ATP7A: variants seen among roughly 807,000 people sequenced by gnomAD.
The protein encoded by ATP7A is ATPase copper transporting alpha, also known as copper-transporting ATPase 1.
ATP7A carries 7 observed loss-of-function variants against 83.5 expected under a neutral mutation model. The observed-to-expected ratio is 0.08, with a 90% CI of 0.05 to 0.16. ATP7A has a LOEUF of 0.16. ATP7A is among the 10% of genes least tolerant of loss of function. ATP7A has a pLI of 1.00. For missense variants in ATP7A, 940 were observed against 1,120.8 expected (o/e 0.84, Z 2.30); for synonymous variants, 354 against 395.2 (o/e 0.90, Z 1.24).
At chrX:77,956,769 TTCTTTCTTTCTTTCTTTC>T in intron 1 of ATP7A, among the ~76,000 whole-genome samples, 1 of 103,006 alleles carries the variant, frequency 9.7e-6, no homozygotes, top group South Asian at 4.4e-4. Flanking sequence ...CTTTCTTTCT[TTCTTTCTTTCTTTCTTTC>T]TCTTTCTTTC....
At chrX:77,979,238 TAA>T (rs2077592485) in intron 2 of ATP7A, among the ~76,000 whole-genome samples, 1 of 111,826 alleles carries the variant, frequency 8.9e-6, no homozygotes, top group African/African-American at 3.2e-5. Context: ...TCAAATTGTT[TAA>T]GTTTCAGACA....
chrX:77,934,036 A>T (rs782289790), intron 1 of ATP7A, among the ~76,000 whole-genome samples: 7 of 111,932 alleles, frequency 6.3e-5, no homozygotes, highest in Non-Finnish European at 1.3e-4. Context: ...ACTATATACT[A>T]TATTTTATGT....
rs76190127 is a variant in ATP7A at position 77,985,302 on chromosome X, C to T, written c.121-2940C>T. Among the ~76,000 whole-genome samples, 554 of 106,083 alleles carry T rather than the reference C, an allele frequency of 5.2e-3. 2 individuals are homozygous for T. The highest frequency in any genetic ancestry group is 7.8e-3 in the Non-Finnish European group (403 of 51,880). The allele number at this position is 106,083 out of a possible 115,157, so 92.1% of individuals were successfully genotyped here. On this transcript the variant is annotated intron_variant, in intron 2 of 22. Transcript: ENST00000341514. Reference sequence around the variant, plus strand: ...CATCCCAAAGTGCTAGGATTACAGGCGTGTGCCACCTGGCCTGAGGAAGTG... The same window carrying T: ...CATCCCAAAGTGCTAGGATTACAGGTGTGTGCCACCTGGCCTGAGGAAGTG...
intron 1 of ATP7A, among the ~76,000 whole-genome samples, chrX:77,962,078 A>G (rs1226958637): frequency 9.0e-6 from 1 of 111,566 alleles, no homozygotes; most frequent in African/African-American, 3.3e-5. Context: ...CTGAATAGTA[A>G]AATTGGACTT....
In ATP7A at chrX:77,980,845, T is replaced by G. The variant is rs1351191461; in HGVS notation, c.121-7397T>G. ...CACCATGCCTGGCTAATTTTTGTAC[T>G]TTTAGTAGAGACGAGTTTTGCCATG... On this transcript the variant is annotated intron_variant, in intron 2 of 22. Transcript: ENST00000341514. Among the ~76,000 whole-genome samples, 7 of 111,205 alleles carry G rather than the reference T, an allele frequency of 6.3e-5. No individual in the cohort carries two copies. The Admixed American group carries it at 6.7e-4, about 11-fold the overall frequency.
intron 17 of ATP7A, among the ~76,000 whole-genome samples, chrX:78,036,147 TTGG>T (rs1422616721): frequency 1.8e-5 from 2 of 111,759 alleles, no homozygotes; most frequent in African/African-American, 6.5e-5. Context: ...GCTTACATTC[TTGG>T]TGGAAGAACA....
At chrX:77,955,313 TTTGTC>T (rs1182699139) in intron 1 of ATP7A, among the ~76,000 whole-genome samples, 1 of 111,923 alleles carries the variant, frequency 8.9e-6, no homozygotes, top group Non-Finnish European at 1.9e-5. Context: ...ATTGTTTTCT[TTTGTC>T]TTGCATATTT....
chrX:77,965,813 A>T (rs782024296), intron 1 of ATP7A, among the ~76,000 whole-genome samples: 1 of 112,571 alleles, frequency 8.9e-6, no homozygotes, highest in South Asian at 3.7e-4. Context: ...CAGCCATAAA[A>T]GGGAATGATG....
intron 16 of ATP7A, among the ~76,000 whole-genome samples, chrX:78,032,887 C>T (rs1395240792): frequency 3.6e-5 from 4 of 111,504 alleles, no homozygotes; most frequent in Non-Finnish European, 7.5e-5. Flanking sequence ...CAGAACTTTT[C>T]GGCTTGCTAA....
chrX:78,014,732 A>G lies in ATP7A; in HGVS notation c.2477A>G (p.Asp826Gly). 1 of 1,199,503 alleles carries G rather than the reference A, an allele frequency of 8.3e-7. No homozygotes were observed. Among genetic ancestry groups the G allele is most frequent in the South Asian group, 1.8e-5 (1 of 56,425 alleles). The change falls in exon 11 of 23, where the codon GAT (aspartate) becomes GGT (glycine). Residue 826 changes from aspartate to glycine, a missense_variant. Asp to Gly is a moderately conservative substitution (Grantham distance 94, BLOSUM62 -1). Coordinates refer to ENST00000341514, the MANE Select transcript of ATP7A (RefSeq NM_000052.7). The stretch of plus-strand genomic sequence containing the variant: ...ACAGAAGCAACTATTGTAACTCTTG[A>G]TTCTGATAATATCCTCCTCAGGTAT... ...QATEATIVTL[D>G]SDNILLSEEQ...
At chrX:77,929,741 T>C (rs1043414022) in intron 1 of ATP7A, among the ~76,000 whole-genome samples, 6 of 110,034 alleles carry the variant, frequency 5.5e-5, no homozygotes, top group Middle Eastern at 4.7e-3. Flanking sequence ...TTTCTGTGAT[T>C]ACAGGCATGA....
intron 1 of ATP7A, among the ~76,000 whole-genome samples, chrX:77,957,391 A>G (rs1401690293): frequency 9.1e-6 from 1 of 109,658 alleles, no homozygotes; most frequent in African/African-American, 3.3e-5. Flanking sequence ...GGGAGAAAAT[A>G]TTTACAAACT....
At chrX:77,966,019 T>TTTGTTG (rs1317979198) in intron 1 of ATP7A, among the ~76,000 whole-genome samples, 1 of 112,146 alleles carries the variant, frequency 8.9e-6, no homozygotes, top group East Asian at 2.8e-4. Flanking sequence ...AGGGGTATGT[T>TTTGTTG]TTGTTGTTGT....
In ATP7A at chrX:78,048,322, C is replaced by G. The variant is rs1557239427; in HGVS notation, c.*1752C>G. On this transcript the variant is annotated 3_prime_UTR_variant, in exon 23 of 23. Coordinates refer to ENST00000341514, the MANE Select transcript of ATP7A (RefSeq NM_000052.7). ...TAAGTAAATTCCTAACATTTTGTTC[C>G]CATTACCAGAAGCAAAGCTGCTGCT... 1 of 112,039 alleles carries G rather than the reference C, an allele frequency of 8.9e-6. No homozygotes were observed. The highest frequency in any genetic ancestry group is 3.2e-5 in the African/African-American group (1 of 30,824). 9.2% of individuals were successfully genotyped at this position (112,039 alleles called of 1,213,427 possible).
intron 1 of ATP7A, among the ~76,000 whole-genome samples, chrX:77,921,975 C>T (rs1203893388): frequency 9.1e-6 from 1 of 110,373 alleles, no homozygotes; most frequent in African/African-American, 3.3e-5. Context: ...TTAAATTTTT[C>T]GTAGAGATGG....
intron 1 of ATP7A, among the ~76,000 whole-genome samples, chrX:77,914,924 A>C (rs1421624814): frequency 3.6e-5 from 4 of 111,165 alleles, no homozygotes; most frequent in African/African-American, 1.3e-4. Context: ...CATTTTCTGG[A>C]GTATTAGATA....
chrX:77,952,173 T>C (rs2149061223), intron 1 of ATP7A, among the ~76,000 whole-genome samples: 1 of 112,447 alleles, frequency 8.9e-6, no homozygotes, highest in Admixed American at 9.5e-5. Context: ...GTGTGCAGTT[T>C]TGGTGTAGAC....
At chrX:77,940,342 A>C (rs1557225527) in intron 1 of ATP7A, among the ~76,000 whole-genome samples, 3 of 111,186 alleles carry the variant, frequency 2.7e-5, no homozygotes, top group African/African-American at 9.8e-5. Context: ...CCCAAATAAA[A>C]ATTTAGTATA....
At chrX:77,955,373 T>A (rs1272355090) in intron 1 of ATP7A, among the ~76,000 whole-genome samples, 2 of 111,847 alleles carry the variant, frequency 1.8e-5, no homozygotes, top group Non-Finnish European at 3.8e-5. Context: ...GTCATTTGCA[T>A]TTTTCTTAGA....
Sources: allele counts gnomAD v4.1 joint callset (sites outside exome capture counted in the v4.1 genomes callset), GRCh38; gene constraint gnomAD v4.1.1; transcripts MANE v1.5; gene names NCBI Gene and HGNC (gene_info 2026-07-23, HGNC 2026-07-21).